DPP10: variants seen among roughly 807,000 people sequenced by gnomAD.
DPP10 encodes inactive dipeptidyl peptidase 10.
In DPP10, 33 loss-of-function variants were observed where a neutral mutation model predicts 120.9. That is an observed-to-expected ratio of 0.27 (90% CI 0.21 to 0.37). The LOEUF is 0.37. DPP10 is among the 10% of genes least tolerant of loss of function. DPP10 has a pLI of 1.00. For synonymous variants in DPP10, 337 were observed against 326.1 expected (o/e 1.03, Z -0.36); for missense variants, 816 against 942.8 (o/e 0.87, Z 1.76).
At chr2:114,624,410 A>G (rs749122250) in intron 1 of DPP10, among the ~76,000 whole-genome samples, 2 of 151,984 alleles carry the variant, frequency 1.3e-5, no homozygotes, top group Non-Finnish European at 2.9e-5. Context: ...TGGTATAACA[A>G]GAATTAGTTT....
chr2:114,874,639 G>A (rs1224441874), intron 1 of DPP10, among the ~76,000 whole-genome samples: 2 of 151,940 alleles, frequency 1.3e-5, no homozygotes, highest in African/African-American at 4.8e-5. Flanking sequence ...AATAATAATA[G>A]TATAAAGTGC....
At chr2:115,059,352 CT>C (rs70941024) in intron 1 of DPP10, among the ~76,000 whole-genome samples, 31,992 of 135,492 alleles carry the variant, frequency 0.24, 3,058 homozygotes, top group East Asian at 0.29. Flanking sequence ...GTAGGTATTT[CT>C]TTTTTTTTTT....
intron 5 of DPP10, among the ~76,000 whole-genome samples, chr2:115,534,446 T>C (rs1281572940): frequency 1.6e-3 from 243 of 151,280 alleles, no homozygotes; most frequent in Middle Eastern, 6.8e-3. Flanking sequence ...GAACTCATCA[T>C]TTTTTATGGC....
At chr2:115,360,425 C>T (rs1048713525) in intron 3 of DPP10, among the ~76,000 whole-genome samples, 1 of 152,190 alleles carries the variant, frequency 6.6e-6, no homozygotes, top group Non-Finnish European at 1.5e-5. Flanking sequence ...TTGTATTTCA[C>T]AGGCAGTGTG....
chr2:114,748,222 A>G (rs533892387), intron 1 of DPP10, among the ~76,000 whole-genome samples: 4 of 151,856 alleles, frequency 2.6e-5, no homozygotes, highest in Admixed American at 1.3e-4. Flanking sequence ...GAATAGTTTG[A>G]GAAGTGCTAG....
intron 11 of DPP10, among the ~76,000 whole-genome samples, chr2:115,758,285 G>A (rs1054001312): frequency 1.1e-4 from 16 of 151,676 alleles, no homozygotes; most frequent in Admixed American, 1.1e-3. Context: ...AATAAAGAAT[G>A]AAGAAACAAC....
intron 1 of DPP10, among the ~76,000 whole-genome samples, chr2:114,663,843 A>C (rs1697686517): frequency 1.3e-5 from 2 of 151,930 alleles, no homozygotes; most frequent in African/African-American, 2.4e-5. Flanking sequence ...TGGCAAGAGG[A>C]TCTTCCTCTG....
chr2:115,307,579 G>C (rs925594840), intron 1 of DPP10, among the ~76,000 whole-genome samples: 6 of 152,008 alleles, frequency 3.9e-5, no homozygotes, highest in African/African-American at 1.4e-4. Flanking sequence ...CAGTTCTTGA[G>C]ATGAGTATTT....
Position 115,511,089 on chromosome 2 carries a change from G to T in DPP10, c.366+11485G>T, listed in dbSNP as rs371326179. ...TCCAACTATGTCTTTGTCTGGTTTT[G>T]ATATCAAGATAATACTAGCCTAATA... is the stretch of plus-strand genomic sequence containing the variant. On this transcript the variant is annotated intron_variant, in intron 4 of 25. Transcript: ENST00000410059. Among the ~76,000 whole-genome samples, 11 of 152,144 alleles carry T rather than the reference G, an allele frequency of 7.2e-5. No individual in the cohort carries two copies. In the East Asian group the frequency reaches 2.1e-3, roughly 29 times the overall value.
At chr2:114,639,200 G>A (rs1432966644) in intron 1 of DPP10, among the ~76,000 whole-genome samples, 2 of 151,938 alleles carry the variant, frequency 1.3e-5, no homozygotes, top group Admixed American at 6.5e-5. Flanking sequence ...GAAGGTGAAT[G>A]AGGAGCAAAG....
intron 3 of DPP10, among the ~76,000 whole-genome samples, chr2:115,382,893 C>T (rs1178229135): frequency 6.6e-6 from 1 of 152,150 alleles, no homozygotes; most frequent in Non-Finnish European, 1.5e-5. Flanking sequence ...AATTGTGGGG[C>T]AGGAGGGAAG....
chr2:115,454,837 A>G (rs1033874294), intron 3 of DPP10, among the ~76,000 whole-genome samples: 1 of 151,688 alleles, frequency 6.6e-6, no homozygotes, highest in African/African-American at 2.4e-5. Context: ...AAAGAGATCC[A>G]TAATAAACTA....
intron 1 of DPP10, among the ~76,000 whole-genome samples, chr2:114,680,265 G>A (rs1197533837): frequency 2.6e-5 from 4 of 152,060 alleles, no homozygotes; most frequent in Middle Eastern, 3.4e-3. Context: ...CTCATGCAAC[G>A]TTATTTCATG....
intron 15 of DPP10, among the ~76,000 whole-genome samples, chr2:115,780,098 C>T (rs981840678): frequency 3.3e-5 from 5 of 151,870 alleles, no homozygotes; most frequent in African/African-American, 1.2e-4. Context: ...TCAAGTTTTT[C>T]TAAAGGTATT....
intron 21 of DPP10, among the ~76,000 whole-genome samples, chr2:115,828,795 G>A (rs7606816): frequency 0.97 from 147,460 of 152,218 alleles, 71,629 homozygotes; most frequent in East Asian, 1. Context: ...TCATCACGTT[G>A]GAATTGTAAA....
At chr2:115,080,028 T>C (rs1708140541) in intron 1 of DPP10, among the ~76,000 whole-genome samples, 1 of 151,828 alleles carries the variant, frequency 6.6e-6, no homozygotes, top group South Asian at 2.1e-4. Context: ...TTGTATATCT[T>C]TTTTTTTAGA....
chr2:114,722,433 T>C (rs937490807), intron 1 of DPP10, among the ~76,000 whole-genome samples: 2 of 152,112 alleles, frequency 1.3e-5, no homozygotes, highest in African/African-American at 2.4e-5. Flanking sequence ...AAGTTTTTTT[T>C]TGATTGTTCA....
chr2:115,568,834 A>G (rs373727638), intron 5 of DPP10, among the ~76,000 whole-genome samples: 2 of 152,144 alleles, frequency 1.3e-5, no homozygotes, highest in African/African-American at 2.4e-5. Flanking sequence ...AGTTTTTAAT[A>G]ATGTTGAGTC....
chr2:115,286,648 A>T (rs1287677856), intron 1 of DPP10, among the ~76,000 whole-genome samples: 1 of 147,542 alleles, frequency 6.8e-6, no homozygotes, highest in Non-Finnish European at 1.5e-5. Context: ...TCGAGGAAGG[A>T]GGTAAGGGTG....
Sources: gnomAD v4.1 joint callset for allele counts (sites outside exome capture counted in the v4.1 genomes callset) on GRCh38, gnomAD v4.1.1 for gene constraint, MANE v1.5 for transcripts, NCBI Gene and HGNC (gene_info 2026-07-23, HGNC 2026-07-21) for gene names.